Variants in TTC23L observed in about 807,000 individuals in gnomAD.
TTC23L encodes the protein tetratricopeptide repeat protein 23-like.
Under a neutral mutation model 48.1 loss-of-function variants are expected in TTC23L, and 42 were observed. The observed-to-expected ratio is 0.87, with a 90% CI of 0.68 to 1.13. TTC23L has a LOEUF of 1.13. Among genes scored for constraint, TTC23L ranks in the 50% most tolerant of loss-of-function variants. The probability of loss-of-function intolerance (pLI) is 0.00; values close to 1 mark genes in which losing one functional copy is unlikely to be tolerated. For missense variants in TTC23L, 391 were observed against 421.0 expected (o/e 0.93, Z 0.62); for synonymous variants, 159 against 157.2 (o/e 1.01, Z -0.09).
At chr5:34,912,883 C>T in the TTC23L span, among the ~76,000 whole-genome samples, 1 of 152,068 alleles carries the variant, frequency 6.6e-6, no homozygotes, top group Admixed American at 6.6e-5. Context: ...TGCCTGTAAT[C>T]CCAGCTACTC....
intron 9 of TTC23L, among the ~76,000 whole-genome samples, chr5:34,882,118 T>C (rs145656233): frequency 1.2e-3 from 180 of 152,326 alleles, no homozygotes; most frequent in African/African-American, 4.2e-3. Flanking sequence ...TTTTCAAAGA[T>C]GTGAAAATAC....
At chr5:34,877,430 T>C (rs1761931069) in intron 8 of TTC23L, among the ~76,000 whole-genome samples, 1 of 151,400 alleles carries the variant, frequency 6.6e-6, no homozygotes, top group African/African-American at 2.4e-5. Flanking sequence ...TTCTTTCTTT[T>C]TTCTTTTTTT....
the TTC23L span, chr5:34,915,471 G>A: frequency 2.5e-6 from 1 of 397,186 alleles, no homozygotes; most frequent in South Asian, 3.8e-5. Flanking sequence ...CCCTGAAGAG[G>A]AGCGAGGCGG....
intron 8 of TTC23L, among the ~76,000 whole-genome samples, chr5:34,873,530 A>G (rs979866204): frequency 4.6e-5 from 7 of 152,196 alleles, no homozygotes; most frequent in Admixed American, 1.3e-4. Context: ...CATTGGAGGC[A>G]GACTTAATAT....
intron 4 of TTC23L, chr5:34,860,828 C>T (rs1233409812): frequency 6.6e-6 from 1 of 152,122 alleles, no homozygotes; most frequent in Non-Finnish European, 1.5e-5. Flanking sequence ...TTTTTCTTTC[C>T]TACTAGGTGA....
chr5:34,870,597 A>G (rs1761384961), intron 8 of TTC23L, among the ~76,000 whole-genome samples: 2 of 152,220 alleles, frequency 1.3e-5, no homozygotes, highest in African/African-American at 4.8e-5. Context: ...AACACTTTCT[A>G]TGAGGCCAGT....
chr5:34,908,729 A>T, the TTC23L span: 5 of 1,516,186 alleles, frequency 3.3e-6, no homozygotes, highest in Non-Finnish European at 4.5e-6. Flanking sequence ...TTCATCTATC[A>T]TAAATGTACA....
At chr5:34,921,543 G>A in the TTC23L span, 1 of 152,212 alleles carries the variant, frequency 6.6e-6, no homozygotes, top group Non-Finnish European at 1.5e-5. Flanking sequence ...AAGAAGATTA[G>A]TTGTGGTATG....
At chr5:34,903,330 G>A (rs1763556088), downstream of TTC23L, among the ~76,000 whole-genome samples, 1 of 152,086 alleles carries the variant, frequency 6.6e-6, no homozygotes, top group African/African-American at 2.4e-5. Context: ...GGCATTTTTA[G>A]AGCAGTTTTA....
At chr5:34,892,861 C>T (rs1762959851) in intron 9 of TTC23L, among the ~76,000 whole-genome samples, 1 of 152,138 alleles carries the variant, frequency 6.6e-6, no homozygotes, top group African/African-American at 2.4e-5. Flanking sequence ...GAAAGACAGA[C>T]TGGGGTGAGA....
At chr5:34,882,660 A>ACACACACAC (rs1762305507) in intron 9 of TTC23L, among the ~76,000 whole-genome samples, 1 of 86,606 alleles carries the variant, frequency 1.2e-5, no homozygotes, top group Non-Finnish European at 2.8e-5. Context: ...CACACACACA[A>ACACACACAC]TATCTTTTGA....
intron 9 of TTC23L, among the ~76,000 whole-genome samples, chr5:34,889,261 G>T (rs922684025): frequency 3.9e-5 from 6 of 152,104 alleles, no homozygotes; most frequent in African/African-American, 1.2e-4. Context: ...TTAACAGAAG[G>T]GAGCTTGATG....
At chr5:34,867,311 C>G (rs1761138408) in intron 7 of TTC23L, 1 of 548,358 alleles carries the variant, frequency 1.8e-6, no homozygotes, top group South Asian at 2.2e-5. Flanking sequence ...GCACTTCCCC[C>G]TCCCCCTCTT....
chr5:34,915,965 C>T, the TTC23L span: 7 of 1,461,310 alleles, frequency 4.8e-6, no homozygotes, highest in Non-Finnish European at 6.3e-6. Flanking sequence ...GGGTTACTTA[C>T]TTGACTACAG....
At chr5:34,848,160 T>C (rs548431589) in intron 3 of TTC23L, among the ~76,000 whole-genome samples, 1 of 152,326 alleles carries the variant, frequency 6.6e-6, no homozygotes, top group African/African-American at 2.4e-5. Context: ...GCTGAAACTT[T>C]AGGTTTTTGG....
chr5:34,840,237 CGGGGG>C (rs35797294), intron 1 of TTC23L, among the ~76,000 whole-genome samples: 1 of 43,612 alleles, frequency 2.3e-5, no homozygotes, highest in African/African-American at 1.7e-4. Context: ...GAAATGACCC[CGGGGG>C]GGGGGGGGAA....
intron 3 of TTC23L, among the ~76,000 whole-genome samples, chr5:34,847,480 GTTTTT>G (rs3996923): frequency 6.8e-6 from 1 of 146,310 alleles, no homozygotes; most frequent in Non-Finnish European, 1.5e-5. Flanking sequence ...CAATAACGCT[GTTTTT>G]TTTTTTTTTT....
chr5:34,844,179 C>A (rs970199609), intron 2 of TTC23L, among the ~76,000 whole-genome samples: 1 of 152,168 alleles, frequency 6.6e-6, no homozygotes, highest in African/African-American at 2.4e-5. Flanking sequence ...CATCCCCAAC[C>A]TTCCCTGGCT....
chr5:34,918,548 T>TA, the TTC23L span: 1 of 863,004 alleles, frequency 1.2e-6, no homozygotes, highest in South Asian at 2.1e-5. Flanking sequence ...ACTTATTTTA[T>TA]ATATTCTTCA....
Sources: allele counts gnomAD v4.1 joint callset (sites outside exome capture counted in the v4.1 genomes callset), GRCh38; gene constraint gnomAD v4.1.1; transcripts MANE v1.5; gene names NCBI Gene and HGNC (gene_info 2026-07-23, HGNC 2026-07-21).